The following FBXO38 variants were observed in gnomAD, a reference collection of about 807,000 sequenced individuals.
FBXO38 encodes F-box protein 38.
Under a neutral mutation model 131.9 loss-of-function variants are expected in FBXO38, and 53 were observed. The observed-to-expected ratio is 0.40, with a 90% CI of 0.32 to 0.51. The LOEUF is 0.51. Ranked by LOEUF, FBXO38 falls within the 20% of genes least tolerant of loss-of-function variation. FBXO38 has a pLI of 0.53. For synonymous variants in FBXO38, 452 were observed against 505.6 expected (o/e 0.89, Z 1.42); for missense variants, 1,076 against 1,475.6 (o/e 0.73, Z 4.44).
intron 19 of FBXO38, among the ~76,000 whole-genome samples, chr5:148,440,042 CATT>C (rs901271461): frequency 2.6e-5 from 4 of 152,176 alleles, no homozygotes; most frequent in African/African-American, 9.7e-5. Flanking sequence ...GTACTTGTAA[CATT>C]ATTTAGCCTT....
chr5:148,414,657 G>A (rs1366836210), intron 10 of FBXO38, among the ~76,000 whole-genome samples: 2 of 152,062 alleles, frequency 1.3e-5, no homozygotes, highest in Non-Finnish European at 2.9e-5. Flanking sequence ...CTTCACAATA[G>A]CACATCATCT....
rs531639719 is a variant in FBXO38, at chr5:148,429,250, C to T, written c.2653+1303C>T. Among the ~76,000 whole-genome samples, 15 of 152,118 alleles carry T rather than the reference C, an allele frequency of 9.9e-5. 1 individual carries two copies. Among genetic ancestry groups the T allele is most frequent in the South Asian group, 4.2e-4 (2 of 4,810 alleles). On this transcript the variant is annotated intron_variant, in intron 15 of 21. Transcript: ENST00000340253. ...CCTACACTTGGTTCAGATAAATGTG[C>T]GCATCTTCTTATTCCTTTATTCATT...
chr5:148,411,009 T>G, intron 9 of FBXO38: 1 of 410,648 alleles, frequency 2.4e-6, no homozygotes, highest in East Asian at 4.6e-5. Flanking sequence ...AAAAGAACCT[T>G]ATCTACATTT....
intron 17 of FBXO38, chr5:148,433,941 T>C: frequency 5.6e-6 from 2 of 355,630 alleles, no homozygotes; most frequent in Non-Finnish European, 5.1e-6. Context: ...TTCGTTCATC[T>C]TTTAAAATAG....
intron 15 of FBXO38, among the ~76,000 whole-genome samples, chr5:148,429,400 G>C (rs1417478371): frequency 6.6e-6 from 1 of 151,392 alleles, no homozygotes; most frequent in African/African-American, 2.4e-5. Flanking sequence ...CCATTCTCGT[G>C]CTATGATTTT....
intron 14 of FBXO38, among the ~76,000 whole-genome samples, chr5:148,426,144 T>A (rs1753702906): frequency 6.6e-6 from 1 of 152,136 alleles, no homozygotes; most frequent in Non-Finnish European, 1.5e-5. Flanking sequence ...ATCCCTCACA[T>A]CCCTTTAAAT....
intron 6 of FBXO38, among the ~76,000 whole-genome samples, chr5:148,405,823 TA>T (rs1478903348): frequency 6.6e-6 from 1 of 152,218 alleles, no homozygotes; most frequent in Non-Finnish European, 1.5e-5. Context: ...TATAATTACT[TA>T]TGTTAGTTCT....
At chr5:148,388,638 C>A (rs1240744958) in intron 1 of FBXO38, among the ~76,000 whole-genome samples, 5 of 152,224 alleles carry the variant, frequency 3.3e-5, no homozygotes, top group African/African-American at 4.8e-5. Context: ...TAGCTTTCAA[C>A]TTTTCTTCTA....
rs556069655 is a variant in FBXO38 at position 148,420,967 on chromosome 5, AT to A, written c.1619-3017del. Among the ~76,000 whole-genome samples the A allele has an allele frequency of 4.2e-3, 612 of 145,084 alleles. 3 individuals are homozygous for A. The highest frequency in any genetic ancestry group is 0.014 in the Middle Eastern group (4 of 280). On this transcript the variant is annotated intron_variant, in intron 12 of 21. Coordinates refer to ENST00000340253, the MANE Select transcript of FBXO38 (RefSeq NM_205836.3). ...CCACTGCACCAAGCCAAGAATTTTAATTTTTTTTTTTTTTCTTGAGACAGAG... is the reference window on the plus strand; with the variant it reads ...CCACTGCACCAAGCCAAGAATTTTAATTTTTTTTTTTTTCTTGAGACAGAG...
At chr5:148,437,923 C>T (rs369822911) in intron 17 of FBXO38, among the ~76,000 whole-genome samples, 47 of 151,408 alleles carry the variant, frequency 3.1e-4, no homozygotes, top group Middle Eastern at 3.4e-3. Context: ...TCTACTTTTA[C>T]GTTTGTGACA....
chr5:148,441,824 G>A, intron 21 of FBXO38, 145 bp from the exon 22 acceptor site: 1 of 562,804 alleles, frequency 1.8e-6, no homozygotes, highest in Non-Finnish European at 2.9e-6. Context: ...AGAACAAACT[G>A]GTGGTGACCC....
chr5:148,441,904 A>G, intron 21 of FBXO38, 65 bp from the exon 22 acceptor site: 9 of 1,410,816 alleles, frequency 6.4e-6, no homozygotes, highest in Middle Eastern at 1.8e-4. Flanking sequence ...GGACCAGCTT[A>G]TCAGTGATTT....
intron 17 of FBXO38, among the ~76,000 whole-genome samples, chr5:148,437,151 G>C (rs1038095501): frequency 6.6e-6 from 1 of 152,116 alleles, no homozygotes; most frequent in African/African-American, 2.4e-5. Context: ...TGGATCACAC[G>C]GCCTCAGGCC....
At chr5:148,399,229 C>G in intron 3 of FBXO38, 97 bp downstream of exon 3, 1 of 1,392,140 alleles carries the variant, frequency 7.2e-7, no homozygotes, top group Non-Finnish European at 9.8e-7. Context: ...GAAAGGCAAT[C>G]TAAGTCACCT....
At chr5:148,411,223 G>A (rs963069718) in intron 9 of FBXO38, among the ~76,000 whole-genome samples, 1 of 152,152 alleles carries the variant, frequency 6.6e-6, no homozygotes, top group Non-Finnish European at 1.5e-5. Flanking sequence ...TTTCCAGATA[G>A]TGTGAGCACA....
chr5:148,385,934 AT>A (rs1230692557), intron 1 of FBXO38, among the ~76,000 whole-genome samples: 1 of 152,136 alleles, frequency 6.6e-6, no homozygotes, highest in East Asian at 1.9e-4. Context: ...AAGAAAAGTA[AT>A]TTGAGTTTGG....
intron 19 of FBXO38, chr5:148,440,221 G>T: frequency 1.9e-6 from 1 of 518,504 alleles, no homozygotes; most frequent in Non-Finnish European, 3.5e-6. Flanking sequence ...ATATGATTTT[G>T]AAGATAGTGA....
At chr5:148,432,339 A>C (rs1754081686) in intron 15 of FBXO38, among the ~76,000 whole-genome samples, 1 of 152,204 alleles carries the variant, frequency 6.6e-6, no homozygotes, top group African/African-American at 2.4e-5. Flanking sequence ...GCTTATTTTG[A>C]AGTGTATTGC....
intron 13 of FBXO38, among the ~76,000 whole-genome samples, chr5:148,424,707 C>T (rs1753621085): frequency 1.3e-5 from 2 of 152,202 alleles, no homozygotes; most frequent in Admixed American, 1.3e-4. Flanking sequence ...GAAGTTTTCT[C>T]ATTCTCTGCC....
Sources: allele counts gnomAD v4.1 joint callset (sites outside exome capture counted in the v4.1 genomes callset), GRCh38; gene constraint gnomAD v4.1.1; transcripts MANE v1.5; gene names NCBI Gene and HGNC (gene_info 2026-07-23, HGNC 2026-07-21).